Variants in ZFP30 observed in about 807,000 individuals in gnomAD.
The protein encoded by ZFP30 is zinc finger protein 30 homolog.
In ZFP30, 16 loss-of-function variants were observed where a neutral mutation model predicts 12.3. The observed-to-expected ratio is 1.30, with a 90% CI of 0.88 to 1.98. The LOEUF (loss-of-function observed/expected upper bound fraction) is 1.98, where lower values mean the gene tolerates loss of function less well. Ranked by LOEUF, ZFP30 falls within the 30% of genes most tolerant of loss-of-function variation. The probability of loss-of-function intolerance (pLI) is 0.00; values close to 1 mark genes in which losing one functional copy is unlikely to be tolerated. For missense variants in ZFP30, 560 were observed against 611.2 expected (o/e 0.92, Z 0.88); for synonymous variants, 172 against 201.0 (o/e 0.86, Z 1.22).
chr19:37,638,143 C>T (rs2044366430), intron 5 of ZFP30, among the ~76,000 whole-genome samples: 1 of 152,216 alleles, frequency 6.6e-6, no homozygotes, highest in Non-Finnish European at 1.5e-5. Context: ...ATTGCCTCTT[C>T]ATGTACACTT....
In ZFP30 at chr19:37,643,305, G is replaced by C. The variant is rs751313129; in HGVS notation, c.195C>G (p.Pro65=). 6.3e-5 allele frequency: 101 copies of C among 1,610,688 alleles called. No individual in the cohort carries two copies. Among genetic ancestry groups the C allele is most frequent in the Non-Finnish European group, 8.1e-5 (96 of 1,178,754 alleles). Residue 65 remains proline (P), a synonymous_variant, in exon 5 of 6, where the codon CCC becomes CCG. Coordinates refer to ENST00000684514, the MANE Select transcript of ZFP30 (RefSeq NM_001320669.3). ...VITLLEQGKE[P]WMVVRDEKRR... Reference sequence around the variant, plus strand: ...TTTTCTCATCCCTCACAACCATCCAGGGCTCTTTCCCTTGTTCCAATAGGG... The same window carrying C: ...TTTTCTCATCCCTCACAACCATCCACGGCTCTTTCCCTTGTTCCAATAGGG...
rs375943039 is a variant in ZFP30 at position 37,636,113 on chromosome 19, G to A, written c.428C>T (p.Thr143Ile). 1.5e-5 allele frequency: 25 copies of A among 1,614,196 alleles called. No individual in the cohort carries two copies. In the African/African-American group the frequency reaches 2.9e-4, roughly 19 times the overall value. ...SEKMPTYRKL[T>I]SLPLYQKSHN... is the part of the protein sequence containing the mutation. ...ACTTTTCTGATACAGAGGAAGAGAT[G>A]TGAGTTTTCTGTAAGTAGGCATTTT... Residue 143 changes from threonine (T) to isoleucine (I), a missense_variant, in exon 6 of 6, where the codon ACA becomes ATA. Coordinates refer to ENST00000684514, the MANE Select transcript of ZFP30 (RefSeq NM_001320669.3).
chr19:37,642,317 A>G (rs2044451622), intron 5 of ZFP30, among the ~76,000 whole-genome samples: 1 of 152,210 alleles, frequency 6.6e-6, no homozygotes, highest in Non-Finnish European at 1.5e-5. Flanking sequence ...TCAATGATGA[A>G]TAATTTGCTG....
At chr19:37,643,052 CAAAAAAAAAAAAAA>C (rs951396776) in intron 5 of ZFP30, among the ~76,000 whole-genome samples, 199 bp downstream of exon 5, 1 of 61,440 alleles carries the variant, frequency 1.6e-5, no homozygotes. Context: ...GACTCCGTCT[CAAAAAAAAAAAAAA>C]AAAAAGAAAA....
At chr19:37,642,274 T>C (rs946037014) in intron 5 of ZFP30, among the ~76,000 whole-genome samples, 4 of 152,228 alleles carry the variant, frequency 2.6e-5, no homozygotes, top group Middle Eastern at 3.2e-3. Flanking sequence ...CCTTTTAATT[T>C]ATGCTTTTTA....
intron 5 of ZFP30, among the ~76,000 whole-genome samples, chr19:37,638,422 G>C (rs565321896): frequency 3.3e-5 from 5 of 152,190 alleles, no homozygotes; most frequent in South Asian, 2.1e-4. Context: ...TGAGCAAAGA[G>C]ATGTTTTTTG....
chr19:37,641,843 T>G (rs2044442115), intron 5 of ZFP30, among the ~76,000 whole-genome samples: 1 of 152,250 alleles, frequency 6.6e-6, no homozygotes, highest in Non-Finnish European at 1.5e-5. Context: ...ATCATTTATT[T>G]ATTTCCCTTG....
Position 37,654,748 on chromosome 19 carries a change from T to C in ZFP30, c.-114A>G, listed in dbSNP as rs1434622066. On this transcript the variant is annotated 5_prime_UTR_variant, in exon 2 of 6. Coordinates refer to ENST00000684514, the MANE Select transcript of ZFP30 (RefSeq NM_001320669.3). ...TTTTAGAAGAGCAGCAGCGATTCGT[T>C]TCTCCTTCTCAAGCGCCTTCTCTGG... is the stretch of plus-strand genomic sequence containing the variant. 1 of 152,280 alleles carries C rather than the reference T, an allele frequency of 6.6e-6. No individual in the cohort carries two copies. Among genetic ancestry groups the C allele is most frequent in the Admixed American group, 6.5e-5 (1 of 15,272 alleles). The allele number at this position is 152,280 out of a possible 1,614,324, so 9.4% of individuals were successfully genotyped here.
chr19:37,640,443 AAATT>A (rs1435968373), intron 5 of ZFP30, among the ~76,000 whole-genome samples: 1 of 149,864 alleles, frequency 6.7e-6, no homozygotes, highest in Non-Finnish European at 1.5e-5. Context: ...TTAACTAATA[AAATT>A]AATAAGCCAA....
At chr19:37,641,549 C>T (rs1443222954) in intron 5 of ZFP30, among the ~76,000 whole-genome samples, 4 of 152,310 alleles carry the variant, frequency 2.6e-5, no homozygotes, top group Non-Finnish European at 4.4e-5. Flanking sequence ...TCTTGGCCTA[C>T]GCACCTCCCA....
At chr19:37,643,655 G>C (rs529480111) in intron 4 of ZFP30, among the ~76,000 whole-genome samples, 5 of 152,152 alleles carry the variant, frequency 3.3e-5, no homozygotes, top group African/African-American at 1.2e-4. Flanking sequence ...ACGTGAAAAA[G>C]GGATAACAGT....
rs1217367950 is a variant in ZFP30, at chr19:37,636,159, C to T, written c.382G>A (p.Val128Met). 1.2e-6 allele frequency: 2 copies of T among 1,613,962 alleles called. No individual in the cohort carries two copies. The highest frequency in any genetic ancestry group is 1.7e-6 in the Non-Finnish European group (2 of 1,180,024). ...ATTTTTTCAGAGGTGGTTTTTGTCA[C>T]TTGCCTGAAACACACCTCATGAGGA... is the stretch of plus-strand genomic sequence containing the variant. Reference protein sequence around the residue: ...ESPHEVCFRQVTKTTSEKMPT... With the variant: ...ESPHEVCFRQMTKTTSEKMPT... Residue 128 changes from valine to methionine, a missense_variant, in exon 6 of 6, where the codon GTG (valine) becomes ATG (methionine). Coordinates refer to ENST00000684514, the MANE Select transcript of ZFP30 (RefSeq NM_001320669.3).
rs772132450 is a variant in ZFP30 at position 37,644,637 on chromosome 19, C to G, written c.109G>C (p.Glu37Gln). ...QRNLYRDVIL[E>Q]NYSNLVSLAG... ...AGTGACACCAAGTTGCTATAGTTCT[C>G]TAATATCACATCTCTGTACAAATTC... The change falls in exon 4 of 6, where the codon GAG becomes CAG. Residue 37 changes from glutamate (E) to glutamine (Q), a missense_variant. Glu to Gln is a conservative substitution (Grantham distance 29). Coordinates refer to ENST00000684514, the MANE Select transcript of ZFP30 (RefSeq NM_001320669.3). The G allele has an allele frequency of 6.2e-7, 1 of 1,610,236 alleles. No homozygotes were observed. Among genetic ancestry groups the G allele is most frequent in the Non-Finnish European group, 8.5e-7 (1 of 1,178,586 alleles).
At chr19:37,641,662 C>T (rs2044438069) in intron 5 of ZFP30, among the ~76,000 whole-genome samples, 1 of 152,164 alleles carries the variant, frequency 6.6e-6, no homozygotes, top group African/African-American at 2.4e-5. Flanking sequence ...AACCACAATA[C>T]CATTATCCAA....
chr19:37,637,368 T>C (rs2044350555), intron 5 of ZFP30, among the ~76,000 whole-genome samples: 2 of 151,524 alleles, frequency 1.3e-5, no homozygotes, highest in South Asian at 4.2e-4. Context: ...CCGCTGTATT[T>C]TTAGTAGAGA....
chr19:37,655,248 G>A (rs905989946), intron 1 of ZFP30, 172 bp downstream of exon 1: 4 of 152,282 alleles, frequency 2.6e-5, no homozygotes, highest in African/African-American at 9.6e-5. Context: ...CGGGCCTCCA[G>A]GCCTCAGGGC....
chr19:37,640,962 T>A (rs2044423273), intron 5 of ZFP30, among the ~76,000 whole-genome samples: 1 of 152,100 alleles, frequency 6.6e-6, no homozygotes, highest in South Asian at 2.1e-4. Context: ...ACCACAAAAT[T>A]GTACTTCTGA....
chr19:37,637,046 T>C (rs1225692935), intron 5 of ZFP30, among the ~76,000 whole-genome samples: 2 of 152,060 alleles, frequency 1.3e-5, no homozygotes, highest in African/African-American at 2.4e-5. Context: ...TCACTGGCTA[T>C]TAAATCTCCC....
intron 2 of ZFP30, among the ~76,000 whole-genome samples, chr19:37,652,340 G>A (rs2044667623): frequency 6.6e-6 from 1 of 152,170 alleles, no homozygotes; most frequent in Non-Finnish European, 1.5e-5. Context: ...GCTGAGGCAG[G>A]TGGATTGTCT....
Sources: gnomAD v4.1 joint callset for allele counts (sites outside exome capture counted in the v4.1 genomes callset) on GRCh38, gnomAD v4.1.1 for gene constraint, MANE v1.5 for transcripts, NCBI Gene and HGNC (gene_info 2026-07-23, HGNC 2026-07-21) for gene names.